Variants in WAPL observed in about 807,000 individuals in gnomAD.
WAPL encodes the protein WAPL cohesin release factor.
Under a neutral mutation model 121.0 loss-of-function variants are expected in WAPL, and 5 were observed. The ratio of observed to expected loss-of-function variants is 0.04; its 90% CI spans 0.02 to 0.09. The LOEUF is 0.09. WAPL is among the 10% of genes least tolerant of loss of function. The pLI is 1.00. For missense variants in WAPL, 999 were observed against 1,410.8 expected (o/e 0.71, Z 4.68); for synonymous variants, 480 against 481.5 (o/e 1.00, Z 0.04).
Position 86,521,499 on chromosome 10 carries a change from T to C in WAPL, c.-157A>G. 2.9e-6 allele frequency: 1 copy of C among 350,826 alleles called. No homozygotes were observed. Among genetic ancestry groups the C allele is most frequent in the Non-Finnish European group, 5.7e-6 (1 of 176,622 alleles). 21.7% of individuals were successfully genotyped at this position (350,826 alleles called of 1,614,324 possible). On this transcript the variant is annotated 5_prime_UTR_variant, in exon 1 of 19. Transcript: ENST00000298767. ...GAGAGCCGAGAGAGGCGAGGGACTC[T>C]GCTTTCGGTAAATAGGAAGCCCGGT...
At chr10:86,481,850 TAA>T (rs1018273383) in intron 4 of WAPL, among the ~76,000 whole-genome samples, 2 of 143,172 alleles carry the variant, frequency 1.4e-5, no homozygotes. Flanking sequence ...TTGTACACAT[TAA>T]AAAAAAAAAA....
intron 9 of WAPL, chr10:86,467,020 T>G: frequency 2.8e-6 from 1 of 361,296 alleles, no homozygotes; most frequent in Non-Finnish European, 5.1e-6. Flanking sequence ...TCTTAAAAAA[T>G]AAAGAGAAAA....
At chr10:86,463,853 G>A (rs1260525508) in intron 9 of WAPL, among the ~76,000 whole-genome samples, 1 of 152,132 alleles carries the variant, frequency 6.6e-6, no homozygotes, top group African/African-American at 2.4e-5. Flanking sequence ...CCACCATTGT[G>A]TTCCAACTGC....
intron 17 of WAPL, among the ~76,000 whole-genome samples, chr10:86,440,328 C>T (rs575413225): frequency 1.5e-3 from 224 of 151,270 alleles, no homozygotes; most frequent in Non-Finnish European, 2.1e-3. Flanking sequence ...CGCTCTGTTG[C>T]CCAGGCTGGA....
In WAPL at chr10:86,435,751, C is replaced by T. The variant is rs1233586792; in HGVS notation, c.*1792G>A. On this transcript the variant is annotated 3_prime_UTR_variant, in exon 19 of 19. Transcript: ENST00000298767. ...AAAAATGCAGTTCGCCCTGATTGTT[C>T]TCATCCAAATGTTTTATAATATTCC... is the stretch of plus-strand genomic sequence containing the variant. The T allele has an allele frequency of 1.3e-5, 2 of 152,522 alleles. No individual in the cohort carries two copies. The highest frequency in any genetic ancestry group is 1.9e-4 in the East Asian group (1 of 5,202). The allele number at this position is 152,522 out of a possible 1,614,324, so 9.4% of individuals were successfully genotyped here.
At chr10:86,465,164 G>A (rs1017894725) in intron 9 of WAPL, among the ~76,000 whole-genome samples, 23 of 152,154 alleles carry the variant, frequency 1.5e-4, no homozygotes, top group African/African-American at 5.3e-4. Flanking sequence ...TAGATGTGGA[G>A]ACACTGGCTT....
rs948998483 is a variant in WAPL, at chr10:86,453,708, C to T, written c.2781G>A (p.Glu927=). ...NVTNHVGKAV[E]DCMRAIIGVL... ...CCCCGATGATGGCCCTCATGCAGTC[C>T]TCCACTGCTTTGCCTACATGGTTAG... is the stretch of plus-strand genomic sequence containing the variant. Residue 927 remains glutamate (E), a synonymous_variant, in exon 13 of 19, where the codon GAG becomes GAA. Transcript: ENST00000298767. 1 of 1,613,912 alleles carries T rather than the reference C, an allele frequency of 6.2e-7. No homozygotes were observed. The highest frequency in any genetic ancestry group is 8.5e-7 in the Non-Finnish European group (1 of 1,179,938).
At chr10:86,449,904 G>A (rs1308282705) in intron 15 of WAPL, among the ~76,000 whole-genome samples, 2 of 152,188 alleles carry the variant, frequency 1.3e-5, no homozygotes, top group African/African-American at 2.4e-5. Context: ...TTATGGTGAC[G>A]GTTCTATATC....
In WAPL at chr10:86,472,170, C is replaced by A; in HGVS notation, c.2030+38G>T. The A allele has an allele frequency of 6.6e-7, 1 of 1,515,880 alleles. No homozygotes were observed. 93.9% of individuals were successfully genotyped at this position (1,515,880 alleles called of 1,614,324 possible). On this transcript the variant is annotated intron_variant, in intron 7 of 18. Transcript: ENST00000298767. This position sits in a 1 kb window ranked among gnomAD's most constrained non-coding sequence, Gnocchi z 4.2. ...ACCTAGTTGAAAAAATTTAATACAGCATGCACATAATTGTAAAATATAAAA... is the reference window on the plus strand; with the variant it reads ...ACCTAGTTGAAAAAATTTAATACAGAATGCACATAATTGTAAAATATAAAA...
In WAPL at chr10:86,497,236, C is replaced by G; in HGVS notation, c.1609G>C (p.Glu537Gln). The G allele has an allele frequency of 6.2e-7, 1 of 1,613,062 alleles. No individual in the cohort carries two copies. The highest frequency in any genetic ancestry group is 1.7e-5 in the Admixed American group (1 of 59,806). ...PINKQGDKSKENTRKIFSGPK... is the reference protein window; with the variant it reads ...PINKQGDKSKQNTRKIFSGPK... Reference sequence around the variant, plus strand: ...CCACTAAAAATCTTTCTGGTATTTTCCTTTGATTTATCTCCTTGTTTATTT... The same window carrying G: ...CCACTAAAAATCTTTCTGGTATTTTGCTTTGATTTATCTCCTTGTTTATTT... Residue 537 changes from glutamate (E) to glutamine (Q), a missense_variant, in exon 4 of 19, where the codon GAA (glutamate) becomes CAA (glutamine). Around this residue, in one of 7 missense-constraint regions of WAPL, gnomAD observed 74 missense variants for 115.1 expected, o/e 0.64. Coordinates refer to ENST00000298767, the MANE Select transcript of WAPL (RefSeq NM_015045.5).
At chr10:86,478,129 TAA>T (rs3858277) in intron 4 of WAPL, among the ~76,000 whole-genome samples, 109,498 of 148,746 alleles carry the variant, frequency 0.74, 40,905 homozygotes, top group South Asian at 0.86. Context: ...TTTTCTGTAT[TAA>T]AAAAAAAAAA....
chr10:86,452,165 G>C (rs966003158), intron 14 of WAPL, 34 bp from the exon 15 acceptor site: 6 of 1,594,460 alleles, frequency 3.8e-6, no homozygotes, highest in South Asian at 1.1e-5. Context: ...TATTATCAGA[G>C]ATGAGTACTT....
chr10:86,442,169 T>C (rs903929707), intron 17 of WAPL, among the ~76,000 whole-genome samples: 1 of 152,142 alleles, frequency 6.6e-6, no homozygotes, highest in African/African-American at 2.4e-5. Context: ...GTAGCTGAGA[T>C]TAGAGGTGTG....
At chr10:86,451,052 G>T (rs527635174) in intron 15 of WAPL, among the ~76,000 whole-genome samples, 1 of 152,146 alleles carries the variant, frequency 6.6e-6, no homozygotes, top group African/African-American at 2.4e-5. Flanking sequence ...CAGATCAGAC[G>T]AGTAAATAAA....
chr10:86,495,388 C>T (rs1842130272), intron 4 of WAPL, among the ~76,000 whole-genome samples: 1 of 151,886 alleles, frequency 6.6e-6, no homozygotes, highest in African/African-American at 2.4e-5. Flanking sequence ...ATCACCTGAG[C>T]CCGAGGACGT....
At position 86,451,988 on chromosome 10, in the gene WAPL, A is replaced by C; in HGVS notation, c.3093T>G (p.His1031Gln). ...DDSLRIGGQV[H>Q]AVQALVQLFL... ...TTACCTGCACTAAAGCCTGGACAGC[A>C]TGAACTTGTCCACCTATCCTTAAAC... Residue 1031 changes from histidine to glutamine, a missense_variant, in exon 15 of 19, where the codon CAT becomes CAG. Transcript: ENST00000298767. 1 of 1,614,234 alleles carries C rather than the reference A, an allele frequency of 6.2e-7. No individual in the cohort carries two copies. Among genetic ancestry groups the C allele is most frequent in the Middle Eastern group, 1.6e-4 (1 of 6,062 alleles).
In WAPL at chr10:86,437,578, T is replaced by G. The variant is rs1849356466; in HGVS notation, c.3538A>C (p.Ile1180Leu). ...TCCAAATATTCAATCACTCTAGAGA[T>G]AGATTTCTGGCCAGTTGTTCCAACA... ...CAVGTTGQKS[I>L]SRVIEYLEHC The change falls in exon 19 of 19, where the codon ATC becomes CTC. Residue 1180 changes from isoleucine to leucine, a missense_variant. Around this residue, in one of 7 missense-constraint regions of WAPL, gnomAD observed 35 missense variants for 80.3 expected, o/e 0.44. Coordinates refer to ENST00000298767, the MANE Select transcript of WAPL (RefSeq NM_015045.5). 3.7e-6 allele frequency: 6 copies of G among 1,613,956 alleles called. No individual in the cohort carries two copies. The highest frequency in any genetic ancestry group is 2.2e-5 in the South Asian group (2 of 91,062).
chr10:86,446,509 G>T, intron 15 of WAPL, 60 bp from the exon 16 acceptor site: 1 of 1,499,984 alleles, frequency 6.7e-7, no homozygotes, highest in Non-Finnish European at 9.1e-7. Context: ...ATGCATATAT[G>T]CAAATATAAA....
intron 2 of WAPL, among the ~76,000 whole-genome samples, chr10:86,508,205 C>T (rs770306574): frequency 6.6e-6 from 1 of 152,196 alleles, no homozygotes; most frequent in Admixed American, 6.5e-5. Context: ...CTCTTTCCTG[C>T]TCCCCCAAAC....
Sources: allele counts gnomAD v4.1 joint callset (sites outside exome capture counted in the v4.1 genomes callset), GRCh38; gene constraint gnomAD v4.1.1; regional missense constraint gnomAD v4.1.1; non-coding constraint Gnocchi (gnomAD v3.1); transcripts MANE v1.5; gene names NCBI Gene and HGNC (gene_info 2026-07-23, HGNC 2026-07-21).